TACC2: variants seen among roughly 807,000 people sequenced by gnomAD.
The protein encoded by TACC2 is transforming acidic coiled-coil-containing protein 2.
In TACC2, 137 loss-of-function variants were observed where a neutral mutation model predicts 227.3. The ratio of observed to expected loss-of-function variants is 0.60; its 90% CI spans 0.52 to 0.69. The LOEUF (loss-of-function observed/expected upper bound fraction) is 0.69. TACC2 is among the 30% of genes least tolerant of loss of function. TACC2 has a pLI of 0.00. For missense variants in TACC2, 3,470 were observed against 3,694.4 expected, an observed-to-expected ratio of 0.94 and a Z score of 1.57; for synonymous variants, 1,523 against 1,487.5, an observed-to-expected ratio of 1.02 and a Z score of -0.55.
chr10:122,089,566 T>C (rs966163179), intron 5 of TACC2, among the ~76,000 whole-genome samples: 9 of 152,250 alleles, frequency 5.9e-5, no homozygotes, highest in African/African-American at 2.2e-4. Flanking sequence ...ATGGTGATAT[T>C]GTGCACGTAC....
intron 7 of TACC2, among the ~76,000 whole-genome samples, chr10:122,149,691 TCCC>T (rs1314778882): frequency 6.6e-6 from 1 of 152,168 alleles, no homozygotes; most frequent in Non-Finnish European, 1.5e-5. Flanking sequence ...GCCAGTCCGC[TCCC>T]CAGCGCGGCA....
In TACC2 at chr10:122,126,316, CTGTGTGTG is replaced by C. The variant is rs3037067; in HGVS notation, c.5574-6269_5574-6262del. On this transcript the variant is annotated intron_variant, in intron 5 of 22. Coordinates refer to ENST00000369005, the MANE Select transcript of TACC2 (RefSeq NM_206862.4). Reference sequence around the variant, plus strand: ...TTATTCCATGGGTTATAATCCAGAACTGTGTGTGTGTGTGTGTGTGTGTGTGTGTGTTT... The same window carrying C: ...TTATTCCATGGGTTATAATCCAGAACTGTGTGTGTGTGTGTGTGTGTGTTT... 8.8e-3 allele frequency among the ~76,000 whole-genome samples: 1,257 copies of C among 142,116 alleles called. 21 individuals carry two copies. The highest frequency in any genetic ancestry group is 0.03 in the African/African-American group (1,206 of 40,180). 93.2% of individuals were successfully genotyped at this position (142,116 alleles called of 152,430 possible).
chr10:122,015,953 TA>T (rs11401777), intron 1 of TACC2, among the ~76,000 whole-genome samples: 205 of 147,870 alleles, frequency 1.4e-3, no homozygotes, highest in African/African-American at 3.2e-3. Flanking sequence ...CCCAAAATGT[TA>T]AAAAAAAAAA....
chr10:122,091,699 A>C (rs936240626), intron 5 of TACC2, among the ~76,000 whole-genome samples: 1 of 151,976 alleles, frequency 6.6e-6, no homozygotes, highest in Non-Finnish European at 1.5e-5. Flanking sequence ...GAAGCCGTGC[A>C]CGTGGACCTG....
At chr10:122,112,696 C>A (rs958205833) in intron 5 of TACC2, among the ~76,000 whole-genome samples, 1 of 152,230 alleles carries the variant, frequency 6.6e-6, no homozygotes, top group South Asian at 2.1e-4. Context: ...CCGGCGTTGC[C>A]ATGCGTAGTG....
At chr10:122,003,135 G>A (rs1213312914) in intron 1 of TACC2, among the ~76,000 whole-genome samples, 4 of 152,064 alleles carry the variant, frequency 2.6e-5, no homozygotes, top group African/African-American at 9.6e-5. Context: ...CCCAGGAGGC[G>A]GAGGTTGCAG....
intron 1 of TACC2, among the ~76,000 whole-genome samples, chr10:121,999,847 G>A (rs963183279): frequency 2.6e-5 from 4 of 152,186 alleles, no homozygotes; most frequent in Admixed American, 6.5e-5. Flanking sequence ...CCAGAGCTTC[G>A]GTCAGATGGG....
chr10:122,005,112 C>T (rs1469235730), intron 1 of TACC2, among the ~76,000 whole-genome samples: 2 of 151,552 alleles, frequency 1.3e-5, no homozygotes, highest in African/African-American at 4.9e-5. Flanking sequence ...GACAGAGTCT[C>T]ACCTTGTCGC....
At chr10:122,105,719 C>A (rs1296685345) in intron 5 of TACC2, among the ~76,000 whole-genome samples, 2 of 151,298 alleles carry the variant, frequency 1.3e-5, no homozygotes, top group South Asian at 4.2e-4. Flanking sequence ...TTCCCGGGTT[C>A]GAGCGATTTT....
intron 3 of TACC2, among the ~76,000 whole-genome samples, chr10:122,073,716 A>G (rs2078416911): frequency 6.6e-6 from 1 of 152,136 alleles, no homozygotes; most frequent in Non-Finnish European, 1.5e-5. Flanking sequence ...GCGGTAGAAA[A>G]GCTTGTTTAA....
Position 122,237,505 on chromosome 10 carries a change from C to A in TACC2, c.8238C>A (p.Asp2746Glu), listed in dbSNP as rs2095879686. 6.2e-7 allele frequency: 1 copy of A among 1,614,044 alleles called. No individual in the cohort carries two copies. Among genetic ancestry groups the A allele is most frequent in the South Asian group, 1.1e-5 (1 of 91,062 alleles). The stretch of plus-strand genomic sequence containing the variant: ...CAGGCCTTCTGTTCCAGCAGCCCGA[C>A]CTGGACTCTGCCCTCCAGATCGCCA... Reference protein sequence around the residue: ...KPAGLLFQQPDLDSALQIARA... With the variant: ...KPAGLLFQQPELDSALQIARA... The change falls in exon 17 of 23, where the codon GAC becomes GAA. Residue 2746 changes from aspartate (D) to glutamate (E), a missense_variant. Physicochemically the swap from Asp to Glu is conservative, Grantham distance 45. Around this residue, in one of 10 missense-constraint regions of TACC2, gnomAD observed 345 missense variants for 354.4 expected, o/e 0.97. Coordinates refer to ENST00000369005, the MANE Select transcript of TACC2 (RefSeq NM_206862.4).
intron 19 of TACC2, 74 bp from the exon 20 acceptor site, chr10:122,248,569 G>C (rs1191024014): frequency 2.5e-6 from 4 of 1,579,354 alleles, no homozygotes; most frequent in Admixed American, 1.7e-5. Context: ...TTGCATCTGA[G>C]GCCTCGGCTG....
At chr10:122,009,135 T>C (rs902366418) in intron 1 of TACC2, among the ~76,000 whole-genome samples, 1 of 152,252 alleles carries the variant, frequency 6.6e-6, no homozygotes, top group Non-Finnish European at 1.5e-5. Context: ...CAGGATTTTC[T>C]GACTTTCCTC....
chr10:122,125,470 G>C (rs567401260), intron 5 of TACC2, among the ~76,000 whole-genome samples: 1 of 152,176 alleles, frequency 6.6e-6, no homozygotes, highest in African/African-American at 2.4e-5. Flanking sequence ...CAAATGCCAG[G>C]ATTACAGGCA....
chr10:122,248,732 G>C lies in TACC2; in HGVS notation c.8482G>C (p.Val2828Leu). ...KEQALADLNS[V>L]EKSLADLFRR... is the part of the protein sequence containing the mutation. ...GCAAGCCCTGGCCGACCTGAACTCC[G>C]TGGAGAAGTCTCTGGCCGACCTCTT... Residue 2828 changes from valine to leucine, a missense_variant, in exon 20 of 23, where the codon GTG (valine) becomes CTG (leucine). Coordinates refer to ENST00000369005, the MANE Select transcript of TACC2 (RefSeq NM_206862.4). The C allele has an allele frequency of 1.2e-6, 2 of 1,614,176 alleles. No homozygotes were observed. The highest frequency in any genetic ancestry group is 1.1e-5 in the South Asian group (1 of 91,074).
At position 122,163,986 on chromosome 10, in the gene TACC2, A is replaced by G. The variant is rs1348152648; in HGVS notation, c.5834+20280A>G. 2 of 1,583,242 alleles carry G rather than the reference A, an allele frequency of 1.3e-6. 1 individual carries two copies. Reference sequence around the variant, plus strand: ...AGCGACCTGAACCTGGAGGCTTCCGAGGCAATGTAAGTGCTCCGCCCGGGC... The same window carrying G: ...AGCGACCTGAACCTGGAGGCTTCCGGGGCAATGTAAGTGCTCCGCCCGGGC... On this transcript the variant is annotated intron_variant, in intron 7 of 22. Coordinates refer to ENST00000369005, the MANE Select transcript of TACC2 (RefSeq NM_206862.4).
intron 10 of TACC2, 40 bp downstream of exon 10, chr10:122,215,491 C>G (rs375419446): frequency 1.3e-5 from 20 of 1,562,864 alleles, no homozygotes; most frequent in South Asian, 2.2e-5. Flanking sequence ...TATGCCCCCC[C>G]CGGGGGAGGT....
chr10:122,157,017 C>T (rs532654930), intron 7 of TACC2, among the ~76,000 whole-genome samples: 2 of 151,724 alleles, frequency 1.3e-5, no homozygotes, highest in Non-Finnish European at 2.9e-5. Context: ...GAGACTAAGG[C>T]GGGAGGATCA....
intron 7 of TACC2, among the ~76,000 whole-genome samples, chr10:122,191,243 G>A (rs566447044): frequency 2.0e-5 from 3 of 152,198 alleles, no homozygotes; most frequent in East Asian, 3.9e-4. Flanking sequence ...CTGCCTCCAC[G>A]TAGCTGGGAT....
Sources: gnomAD v4.1 joint callset for allele counts (sites outside exome capture counted in the v4.1 genomes callset) on GRCh38, gnomAD v4.1.1 for gene constraint, gnomAD v4.1.1 regional missense constraint, MANE v1.5 for transcripts, NCBI Gene and HGNC (gene_info 2026-07-23, HGNC 2026-07-21) for gene names.